Variants in SBF2 observed in about 807,000 individuals in gnomAD.
The protein encoded by SBF2 is myotubularin-related protein 13.
A neutral mutation model predicts 225.2 loss-of-function variants in SBF2; 112 were observed. The observed-to-expected ratio is 0.50, with a 90% CI of 0.43 to 0.58. The LOEUF (loss-of-function observed/expected upper bound fraction) is 0.58. Among genes scored for constraint, SBF2 ranks in the 20% least tolerant of loss-of-function variants. The pLI, the probability that SBF2 is intolerant of heterozygous loss-of-function variation, is 0.00. For synonymous variants in SBF2, 763 were observed against 773.3 expected (o/e 0.99, Z 0.22); for missense variants, 1,996 against 2,206.2 (o/e 0.90, Z 1.91).
intron 17 of SBF2, among the ~76,000 whole-genome samples, chr11:9,865,475 A>G (rs1858115166): frequency 6.6e-6 from 1 of 151,932 alleles, no homozygotes; most frequent in South Asian, 2.1e-4. Context: ...GGATCACCTG[A>G]GGTCAGGAGT....
chr11:10,099,260 T>C (rs1952178070), intron 2 of SBF2, among the ~76,000 whole-genome samples: 1 of 152,000 alleles, frequency 6.6e-6, no homozygotes, highest in Non-Finnish European at 1.5e-5. Flanking sequence ...AATTAGCCTA[T>C]CCACAAGCTT....
intron 16 of SBF2, among the ~76,000 whole-genome samples, chr11:9,946,744 C>T (rs1865586521): frequency 6.6e-6 from 1 of 152,216 alleles, no homozygotes; most frequent in South Asian, 2.1e-4. Flanking sequence ...GCCACTGCAC[C>T]TGGCCTATGT....
chr11:10,129,514 C>T (rs1420115040), intron 2 of SBF2, among the ~76,000 whole-genome samples: 3 of 152,168 alleles, frequency 2.0e-5, no homozygotes, highest in African/African-American at 7.2e-5. Flanking sequence ...AAGGCAGGTG[C>T]TCTCTTATAT....
chr11:10,032,928 TC>T (rs1276154321), intron 3 of SBF2, among the ~76,000 whole-genome samples: 1 of 152,194 alleles, frequency 6.6e-6, no homozygotes, highest in Non-Finnish European at 1.5e-5. Context: ...ATTTTCTACT[TC>T]CTTTAGAGCT....
chr11:9,997,244 T>C (rs1947743906), intron 9 of SBF2, among the ~76,000 whole-genome samples: 2 of 152,258 alleles, frequency 1.3e-5, no homozygotes, highest in African/African-American at 4.8e-5. Flanking sequence ...GCCTTAGTTC[T>C]AGTGATATCT....
intron 2 of SBF2, among the ~76,000 whole-genome samples, chr11:10,140,996 C>T (rs1206913581): frequency 1.3e-5 from 2 of 151,550 alleles, no homozygotes; most frequent in African/African-American, 4.9e-5. Context: ...AAAATATGCC[C>T]AGAAAAAAAG....
chr11:9,984,547 G>A (rs1263702180), intron 13 of SBF2, among the ~76,000 whole-genome samples: 1 of 152,130 alleles, frequency 6.6e-6, no homozygotes, highest in Non-Finnish European at 1.5e-5. Flanking sequence ...CCTTGCAAGA[G>A]ACCTAGACAT....
At chr11:10,208,002 A>G (rs1158871084) in intron 1 of SBF2, among the ~76,000 whole-genome samples, 1 of 152,096 alleles carries the variant, frequency 6.6e-6, no homozygotes. Flanking sequence ...ATACCTTCCC[A>G]TGGTTGATAA....
At chr11:9,900,486 C>G (rs546578741) in intron 16 of SBF2, among the ~76,000 whole-genome samples, 5 of 152,106 alleles carry the variant, frequency 3.3e-5, no homozygotes, top group African/African-American at 9.7e-5. Context: ...ATTAGCCAAT[C>G]GGAATTAGTT....
At chr11:10,058,103 A>T (rs1316703762) in intron 2 of SBF2, among the ~76,000 whole-genome samples, 2 of 152,220 alleles carry the variant, frequency 1.3e-5, no homozygotes, top group South Asian at 2.1e-4. Context: ...TGGTCCAGAG[A>T]GTCTGTCATA....
At chr11:9,854,574 T>A (rs1330214503) in intron 19 of SBF2, among the ~76,000 whole-genome samples, 1 of 152,140 alleles carries the variant, frequency 6.6e-6, no homozygotes, top group African/African-American at 2.4e-5. Context: ...TAATGATTAT[T>A]ATTTGTTTAT....
rs1854249805 is a variant in SBF2, at chr11:9,812,587, G to A, written c.4100C>T (p.Thr1367Ile). ...TTTCAGGAAGGTCACTTCTGAGTCA[G>A]TAGGGATGGTGCTTGGGATACAAGC... ...MRACIPSTIP[T>I]DSEVTFLKAL... The change falls in exon 30 of 40, where the codon ACT (threonine) becomes ATT (isoleucine). Residue 1367 changes from threonine (T) to isoleucine (I), a missense_variant. Coordinates refer to ENST00000256190, the MANE Select transcript of SBF2 (RefSeq NM_030962.4). 1 of 1,614,118 alleles carries A rather than the reference G, an allele frequency of 6.2e-7. No individual in the cohort carries two copies. The highest frequency in any genetic ancestry group is 8.5e-7 in the Non-Finnish European group (1 of 1,180,050).
intron 16 of SBF2, among the ~76,000 whole-genome samples, chr11:9,942,938 A>AGAAGGAAC (rs1554962816): frequency 6.8e-6 from 1 of 146,206 alleles, no homozygotes; most frequent in African/African-American, 2.5e-5. Flanking sequence ...AAAGAAAGAA[A>AGAAGGAAC]GAAGGAAGGA....
intron 8 of SBF2, among the ~76,000 whole-genome samples, chr11:9,999,071 A>G (rs187898237): frequency 1.3e-5 from 2 of 152,346 alleles, no homozygotes; most frequent in African/African-American, 4.8e-5. Flanking sequence ...TTAGCATTTT[A>G]CAAAAGTCTA....
intron 2 of SBF2, among the ~76,000 whole-genome samples, chr11:10,119,939 A>T (rs754608405): frequency 6.6e-6 from 1 of 152,188 alleles, no homozygotes; most frequent in Non-Finnish European, 1.5e-5. Context: ...TAAATTTTCT[A>T]ATTATGGTAA....
intron 28 of SBF2, among the ~76,000 whole-genome samples, chr11:9,821,597 C>A (rs1375138570): frequency 6.6e-6 from 1 of 152,212 alleles, no homozygotes; most frequent in Non-Finnish European, 1.5e-5. Flanking sequence ...GGGCACTTAA[C>A]ACCAGCAAAA....
intron 2 of SBF2, among the ~76,000 whole-genome samples, chr11:10,189,950 G>C (rs569789056): frequency 6.6e-6 from 1 of 152,050 alleles, no homozygotes; most frequent in Non-Finnish European, 1.5e-5. Flanking sequence ...TCAGGAGTTC[G>C]AGACCAGCCT....
chr11:10,006,967 T>C (rs1948224457), intron 6 of SBF2, among the ~76,000 whole-genome samples: 1 of 152,206 alleles, frequency 6.6e-6, no homozygotes, highest in Non-Finnish European at 1.5e-5. Flanking sequence ...GAATATAGGA[T>C]GGCCCAAGGC....
At chr11:10,023,164 T>A (rs1227068885) in intron 6 of SBF2, among the ~76,000 whole-genome samples, 1 of 152,196 alleles carries the variant, frequency 6.6e-6, no homozygotes, top group Non-Finnish European at 1.5e-5. Flanking sequence ...ATTGATAAAT[T>A]TTCAAGATAA....
Sources: allele counts gnomAD v4.1 joint callset (sites outside exome capture counted in the v4.1 genomes callset), GRCh38; gene constraint gnomAD v4.1.1; transcripts MANE v1.5; gene names NCBI Gene and HGNC (gene_info 2026-07-23, HGNC 2026-07-21).